The following IL12RB2 variants were observed in gnomAD, a reference collection of about 807,000 sequenced individuals.
IL12RB2 encodes the protein interleukin-12 receptor subunit beta-2.
In IL12RB2, 82 loss-of-function variants were observed where a neutral mutation model predicts 89.4. The observed-to-expected ratio is 0.92, with a 90% CI of 0.77 to 1.10. The LOEUF (loss-of-function observed/expected upper bound fraction) is 1.10. Ranked by LOEUF, IL12RB2 falls within the 50% of genes least tolerant of loss-of-function variation. The pLI is 0.00. For missense variants in IL12RB2, 963 were observed against 1,031.9 expected, an observed-to-expected ratio of 0.93 and a Z score of 0.92; for synonymous variants, 368 against 370.1, an observed-to-expected ratio of 0.99 and a Z score of 0.07.
At chr1:67,355,704 G>A (rs891123471) in intron 10 of IL12RB2, among the ~76,000 whole-genome samples, 24 of 152,302 alleles carry the variant, frequency 1.6e-4, no homozygotes, top group Middle Eastern at 3.4e-3. Flanking sequence ...CCTTCTGAAC[G>A]TTATAACTTC....
rs10667103 is a variant in IL12RB2 at position 67,387,700 on chromosome 1, CAAAAAAAAA to C, written c.1946+1040_1946+1048del. On this transcript the variant is annotated intron_variant, in intron 15 of 16. Coordinates refer to ENST00000674203, the MANE Select transcript of IL12RB2 (RefSeq NM_001374259.2). ...CCCTGGCAACACAGCAAGACTGTCT[CAAAAAAAAA>C]AAAAAAAAGAAAGAAATTAAATGGT... 1.7e-4 allele frequency among the ~76,000 whole-genome samples: 17 copies of C among 100,710 alleles called. 1 individual carries two copies. In the South Asian group the frequency reaches 5.8e-3, roughly 34 times the overall value. The allele number at this position is 100,710 out of a possible 152,430, so 66.1% of individuals were successfully genotyped here.
rs148773328 is a variant in IL12RB2 at position 67,391,356 on chromosome 1, A to AGTGTGTGT, written c.2046+1249_2046+1256dup. 6.1e-3 allele frequency among the ~76,000 whole-genome samples: 855 copies of AGTGTGTGT among 140,528 alleles called. 1 individual carries two copies. Among genetic ancestry groups the AGTGTGTGT allele is most frequent in the Middle Eastern group, 0.015 (4 of 266 alleles). 92.2% of individuals were successfully genotyped at this position (140,528 alleles called of 152,430 possible). A position where few individuals can be genotyped will look rare whatever the true frequency, so the allele number is the denominator to read the frequency against. ...CAGCAAAAACAGTGATAATAACAGC[A>AGTGTGTGT]GTGTGTGTGTGTGTGTGTGTGTGTG... On this transcript the variant is annotated intron_variant, in intron 16 of 16. Coordinates refer to ENST00000674203, the MANE Select transcript of IL12RB2 (RefSeq NM_001374259.2).
chr1:67,371,374 A>G (rs558636370), intron 11 of IL12RB2, among the ~76,000 whole-genome samples: 1 of 152,218 alleles, frequency 6.6e-6, no homozygotes, highest in South Asian at 2.1e-4. Context: ...TAAAACACAA[A>G]TAATTTAATA....
intron 11 of IL12RB2, among the ~76,000 whole-genome samples, chr1:67,369,702 T>C (rs1179714537): frequency 6.6e-6 from 1 of 152,244 alleles, no homozygotes; most frequent in Admixed American, 6.5e-5. Flanking sequence ...CTTAGTGAAA[T>C]AAGTGTCTTT....
At chr1:67,328,168 T>C in intron 5 of IL12RB2, 32 bp from the exon 6 acceptor site, 4 of 1,417,232 alleles carry the variant, frequency 2.8e-6, no homozygotes, top group Non-Finnish European at 4.0e-6. Flanking sequence ...ACATAAAACA[T>C]GTTGCTACAC....
intron 10 of IL12RB2, among the ~76,000 whole-genome samples, chr1:67,367,030 T>C (rs1191379125): frequency 6.6e-6 from 1 of 152,154 alleles, no homozygotes; most frequent in South Asian, 2.1e-4. Context: ...AACAAATATA[T>C]GAAAGGTGGA....
intron 8 of IL12RB2, among the ~76,000 whole-genome samples, chr1:67,333,246 C>G (rs963290505): frequency 6.6e-6 from 1 of 152,096 alleles, no homozygotes; most frequent in Non-Finnish European, 1.5e-5. Context: ...ACCCCTTACC[C>G]GCTGTTTCTG....
intron 5 of IL12RB2, 95 bp downstream of exon 5, chr1:67,326,944 T>C: frequency 1.8e-6 from 1 of 545,530 alleles, no homozygotes; most frequent in Non-Finnish European, 2.2e-6. Flanking sequence ...TTTATTTTAT[T>C]TTATTTATTT....
At chr1:67,379,366 T>C (rs1228237939) in intron 13 of IL12RB2, among the ~76,000 whole-genome samples, 15 of 134,650 alleles carry the variant, frequency 1.1e-4, no homozygotes, top group East Asian at 2.3e-4. Flanking sequence ...AAAAATTAGC[T>C]GGGCATGGTG....
intron 2 of IL12RB2, among the ~76,000 whole-genome samples, chr1:67,319,794 G>C (rs1656253560): frequency 6.6e-6 from 1 of 152,166 alleles, no homozygotes; most frequent in Non-Finnish European, 1.5e-5. Flanking sequence ...TCAAGGTGAT[G>C]ATATTAGGAG....
At chr1:67,393,994 A>G (rs1666100680) in intron 16 of IL12RB2, among the ~76,000 whole-genome samples, 1 of 152,206 alleles carries the variant, frequency 6.6e-6, no homozygotes, top group East Asian at 1.9e-4. Context: ...TCTTCACTGA[A>G]CAGGCATCCA....
chr1:67,379,646 T>C (rs1161329930), intron 13 of IL12RB2, among the ~76,000 whole-genome samples: 2 of 151,894 alleles, frequency 1.3e-5, no homozygotes, highest in East Asian at 3.8e-4. Context: ...GAGTTAACTT[T>C]AGCTAAATAT....
Position 67,372,546 on chromosome 1 carries a change from G to T in IL12RB2, c.1558+12G>T, listed in dbSNP as rs2307152. On this transcript the variant is annotated intron_variant, in intron 12 of 16. Transcript: ENST00000674203. ...CTCTAAGCACAAAGGTGAGTCTTGG[G>T]ATCTTTTGCCAAATTTTGCTTTAGT... is the stretch of plus-strand genomic sequence containing the variant. 3.7e-6 allele frequency: 6 copies of T among 1,602,514 alleles called. No individual in the cohort carries two copies. The highest frequency in any genetic ancestry group is 4.3e-6 in the Non-Finnish European group (5 of 1,169,570).
chr1:67,353,210 GGACA>G (rs1661035628), intron 10 of IL12RB2, among the ~76,000 whole-genome samples: 1 of 152,104 alleles, frequency 6.6e-6, no homozygotes, highest in Non-Finnish European at 1.5e-5. Flanking sequence ...TCATTGACAT[GGACA>G]GATACACATT....
chr1:67,342,761 C>CTTTTTT lies in IL12RB2; in HGVS notation c.1038+4069_1038+4074dup, dbSNP rs71062413. ...CTTGTACTACTTTTTAAAATCACAC[C>CTTTTTT]TTTTTTTTTTTTTTTTGAGACAGGG... is the stretch of plus-strand genomic sequence containing the variant. On this transcript the variant is annotated intron_variant, in intron 9 of 16. Coordinates refer to ENST00000674203, the MANE Select transcript of IL12RB2 (RefSeq NM_001374259.2). 2.6e-4 allele frequency among the ~76,000 whole-genome samples: 35 copies of CTTTTTT among 137,158 alleles called. 14 individuals carry two copies. The highest frequency in any genetic ancestry group is 2.3e-4 in the South Asian group (1 of 4,408). 90.0% of individuals were successfully genotyped at this position (137,158 alleles called of 152,430 possible). A position where few individuals can be genotyped will look rare whatever the true frequency, so the allele number is the denominator to read the frequency against.
Position 67,372,655 on chromosome 1 carries a change from T to C in IL12RB2, c.1589T>C (p.Ile530Thr), listed in dbSNP as rs1472103128. The change falls in exon 13 of 17, where the codon ATC (isoleucine) becomes ACC (threonine). Residue 530 changes from isoleucine (I) to threonine (T), a missense_variant. Transcript: ENST00000674203. ...CTGAGTGGCCCCCACATTAATGCCA[T>C]CACAGAGGAAAAGGGGAGCATTTTA... is the stretch of plus-strand genomic sequence containing the variant. ...APLSGPHINA[I>T]TEEKGSILIS... 5 of 1,613,692 alleles carry C rather than the reference T, an allele frequency of 3.1e-6. No individual in the cohort carries two copies. Among genetic ancestry groups the C allele is most frequent in the Non-Finnish European group, 4.2e-6 (5 of 1,179,614 alleles).
At position 67,367,949 on chromosome 1, in the gene IL12RB2, C is replaced by T; in HGVS notation, c.1383C>T (p.Leu461=). The T allele has an allele frequency of 6.2e-7, 1 of 1,609,640 alleles. No homozygotes were observed. The highest frequency in any genetic ancestry group is 1.1e-5 in the South Asian group (1 of 91,004). Residue 461 remains leucine, a synonymous_variant, in exon 11 of 17, where the codon CTC becomes CTT. Transcript: ENST00000674203. ...AGTACGTGGTGGAATGGAGAGAGCTCCATCCAGGGGGTGACACACAGGTCC... is the reference window on the plus strand; with the variant it reads ...AGTACGTGGTGGAATGGAGAGAGCTTCATCCAGGGGGTGACACACAGGTCC... ...VQEYVVEWRE[L]HPGGDTQVPL...
chr1:67,333,500 G>T (rs1423735915), intron 8 of IL12RB2, among the ~76,000 whole-genome samples: 1 of 151,538 alleles, frequency 6.6e-6, no homozygotes, highest in South Asian at 2.1e-4. Context: ...AACATCTCCG[G>T]GTGGATTGGT....
chr1:67,309,167 C>A (rs1654697643), intron 1 of IL12RB2, among the ~76,000 whole-genome samples: 1 of 152,024 alleles, frequency 6.6e-6, no homozygotes, highest in Non-Finnish European at 1.5e-5. Context: ...TGTGTGTGCT[C>A]TGTGTAGATG....
Sources: allele counts gnomAD v4.1 joint callset (sites outside exome capture counted in the v4.1 genomes callset), GRCh38; gene constraint gnomAD v4.1.1; transcripts MANE v1.5; gene names NCBI Gene and HGNC (gene_info 2026-07-23, HGNC 2026-07-21).